Variants in TAF1A observed in about 807,000 individuals in gnomAD.
TAF1A encodes TATA box-binding protein-associated factor RNA polymerase I subunit A.
Under a neutral mutation model 61.6 loss-of-function variants are expected in TAF1A, and 42 were observed. The ratio of observed to expected loss-of-function variants is 0.68; its 90% CI spans 0.53 to 0.88. The LOEUF (loss-of-function observed/expected upper bound fraction) is 0.88, where lower values mean the gene tolerates loss of function less well. Among genes scored for constraint, TAF1A ranks in the 40% least tolerant of loss-of-function variants. The pLI, the probability that TAF1A is intolerant of heterozygous loss-of-function variation, is 0.00. For synonymous variants in TAF1A, 179 were observed against 177.7 expected, an observed-to-expected ratio of 1.01 and a Z score of -0.06; for missense variants, 424 against 518.7, an observed-to-expected ratio of 0.82 and a Z score of 1.77.
rs1430616684 is a variant in TAF1A, at chr1:222,570,655, A to G, written c.615T>C (p.Asp205=). ...CCTGGGCTACTGCATTGTAAGCATAATCATCCTTATCTGCCCAAAGATACA... is the reference window on the plus strand; with the variant it reads ...CCTGGGCTACTGCATTGTAAGCATAGTCATCCTTATCTGCCCAAAGATACA... ...KMELSKLDKD[D]YAYNAVAQDV... Residue 205 remains aspartate, a synonymous_variant, in exon 6 of 11, where the codon GAT becomes GAC. Coordinates refer to ENST00000352967, the MANE Select transcript of TAF1A (RefSeq NM_005681.4). 11 of 1,604,930 alleles carry G rather than the reference A, an allele frequency of 6.9e-6. No homozygotes were observed. Among genetic ancestry groups the G allele is most frequent in the Non-Finnish European group, 9.4e-6 (11 of 1,174,036 alleles).
Position 222,589,833 on chromosome 1 carries a change from G to T in TAF1A, c.-109C>A. ...GAGTTAGGAGAGCTTTATATGAGCA[G>T]GCGCTAAACCTGGTTTAGGTATTTA... is the stretch of plus-strand genomic sequence containing the variant. On this transcript the variant is annotated 5_prime_UTR_variant, in exon 1 of 11. It adds an upstream start codon to the 5' untranslated region. Coordinates refer to ENST00000352967, the MANE Select transcript of TAF1A (RefSeq NM_005681.4). 2.6e-6 allele frequency: 1 copy of T among 383,620 alleles called. No individual in the cohort carries two copies. The allele number at this position is 383,620 out of a possible 1,614,324, so 23.8% of individuals were successfully genotyped here.
chr1:222,567,293 G>A (rs780248260), intron 7 of TAF1A, among the ~76,000 whole-genome samples: 1 of 149,976 alleles, frequency 6.7e-6, no homozygotes, highest in Non-Finnish European at 1.5e-5. Context: ...CAGGGGCTGG[G>A]AGGAGCAGGC....
intron 2 of TAF1A, among the ~76,000 whole-genome samples, chr1:222,585,413 C>CA (rs1660970392): frequency 6.9e-6 from 1 of 144,494 alleles, no homozygotes; most frequent in African/African-American, 2.6e-5. Flanking sequence ...AAGTCACCCA[C>CA]AAATACATAA....
At chr1:222,561,967 T>C (rs74148133) in intron 9 of TAF1A, among the ~76,000 whole-genome samples, 21,320 of 152,190 alleles carry the variant, frequency 0.14, 1,563 homozygotes, top group Middle Eastern at 0.21. Flanking sequence ...TTGCATAGTG[T>C]CTGGTACATA....
chr1:222,588,830 CAA>C (rs1412363583), intron 1 of TAF1A, among the ~76,000 whole-genome samples: 1 of 152,128 alleles, frequency 6.6e-6, no homozygotes, highest in Non-Finnish European at 1.5e-5. Context: ...TAAAAAATCT[CAA>C]GTCTAGACGA....
chr1:222,562,408 G>C (rs1383564933), intron 9 of TAF1A, among the ~76,000 whole-genome samples: 1 of 152,122 alleles, frequency 6.6e-6, no homozygotes, highest in Non-Finnish European at 1.5e-5. Flanking sequence ...TGATCTAGTA[G>C]AAGTTTATTC....
At chr1:222,570,744 T>C in intron 5 of TAF1A, 79 bp from the exon 6 acceptor site, 1 of 1,398,484 alleles carries the variant, frequency 7.2e-7, no homozygotes, top group Non-Finnish European at 9.6e-7. Flanking sequence ...AAAAACTATC[T>C]GCGAGAAAAA....
downstream of TAF1A, chr1:222,557,884 T>G (rs906333629): frequency 3.2e-5 from 4 of 123,480 alleles, no homozygotes; most frequent in South Asian, 2.9e-4. Flanking sequence ...CTTTTTGTTT[T>G]TTTTTTTTTT....
intron 7 of TAF1A, among the ~76,000 whole-genome samples, chr1:222,566,793 A>G (rs2102645300): frequency 6.6e-6 from 1 of 152,336 alleles, no homozygotes; most frequent in African/African-American, 2.4e-5. Flanking sequence ...TAGGATATCA[A>G]TGATCAAAAA....
intron 4 of TAF1A, among the ~76,000 whole-genome samples, chr1:222,578,213 T>C (rs1660648042): frequency 6.6e-6 from 1 of 152,118 alleles, no homozygotes. Context: ...GAAGAAAAAT[T>C]ATACAAAGAA....
At chr1:222,570,889 C>A (rs1660325032) in intron 5 of TAF1A, among the ~76,000 whole-genome samples, 1 of 152,068 alleles carries the variant, frequency 6.6e-6, no homozygotes, top group Non-Finnish European at 1.5e-5. Flanking sequence ...TACCATGATA[C>A]CAAAACCAAA....
chr1:222,584,726 C>T (rs545952245), intron 2 of TAF1A, among the ~76,000 whole-genome samples: 2 of 152,202 alleles, frequency 1.3e-5, no homozygotes, highest in Non-Finnish European at 2.9e-5. Context: ...TTTTTAAGGA[C>T]CAAATTCCTA....
At chr1:222,571,124 G>A (rs1660332358) in intron 5 of TAF1A, among the ~76,000 whole-genome samples, 1 of 151,880 alleles carries the variant, frequency 6.6e-6, no homozygotes, top group Non-Finnish European at 1.5e-5. Context: ...AAAGAATACA[G>A]GACCAAAACC....
chr1:222,571,764 GACTT>G (rs1660362218), intron 5 of TAF1A, among the ~76,000 whole-genome samples: 1 of 152,146 alleles, frequency 6.6e-6, no homozygotes, highest in Non-Finnish European at 1.5e-5. Flanking sequence ...TCAGTTGAAA[GACTT>G]ACTATTGTCA....
intron 2 of TAF1A, among the ~76,000 whole-genome samples, chr1:222,585,709 C>T (rs957861171): frequency 4.8e-5 from 3 of 62,038 alleles, no homozygotes; most frequent in Non-Finnish European, 9.5e-5. Context: ...TTAAAACTTA[C>T]AGGATATAAA....
At chr1:222,567,106 A>G (rs547190173) in intron 7 of TAF1A, among the ~76,000 whole-genome samples, 31 of 152,384 alleles carry the variant, frequency 2.0e-4, no homozygotes, top group Middle Eastern at 6.8e-3. Flanking sequence ...ATGGAATATT[A>G]TTCAGCCTTA....
intron 10 of TAF1A, among the ~76,000 whole-genome samples, chr1:222,560,414 G>C (rs1444664585): frequency 1.3e-5 from 2 of 152,086 alleles, no homozygotes; most frequent in Non-Finnish European, 2.9e-5. Context: ...CATAGAAAAG[G>C]CTCCTAAAAG....
intron 5 of TAF1A, among the ~76,000 whole-genome samples, chr1:222,571,256 G>T (rs1660339074): frequency 6.6e-6 from 1 of 152,124 alleles, no homozygotes; most frequent in African/African-American, 2.4e-5. Context: ...GGGCATCTAT[G>T]AAAAACTCAT....
At chr1:222,563,982 C>G in intron 8 of TAF1A, 77 bp downstream of exon 8, 1 of 861,852 alleles carries the variant, frequency 1.2e-6, no homozygotes, top group Non-Finnish European at 1.9e-6. Flanking sequence ...TGGATTTAGC[C>G]GATGGGCTAA....
Sources: gnomAD v4.1 joint callset for allele counts (sites outside exome capture counted in the v4.1 genomes callset) on GRCh38, gnomAD v4.1.1 for gene constraint, MANE v1.5 for transcripts, NCBI Gene and HGNC (gene_info 2026-07-23, HGNC 2026-07-21) for gene names.